Variants in TYW1 observed in about 807,000 individuals in gnomAD.
TYW1 encodes the protein S-adenosyl-L-methionine-dependent tRNA 4-demethylwyosine synthase TYW1.
TYW1 carries 46 observed loss-of-function variants against 96.2 expected under a neutral mutation model. That is an observed-to-expected ratio of 0.48 (90% CI 0.38 to 0.61). TYW1 has a LOEUF of 0.61. TYW1 is among the 20% of genes least tolerant of loss of function. TYW1 has a pLI of 0.00. For missense variants in TYW1, 684 were observed against 909.6 expected (o/e 0.75, Z 3.19); for synonymous variants, 274 against 323.0 (o/e 0.85, Z 1.63).
intron 3 of TYW1, among the ~76,000 whole-genome samples, chr7:67,001,235 A>G (rs565530942): frequency 6.6e-6 from 1 of 152,106 alleles, no homozygotes; most frequent in Non-Finnish European, 1.5e-5. Context: ...GTGTTTCGAG[A>G]TTTATCAACA....
chr7:67,171,359 T>G (rs1413830824), intron 13 of TYW1, among the ~76,000 whole-genome samples: 1 of 152,150 alleles, frequency 6.6e-6, no homozygotes, highest in Non-Finnish European at 1.5e-5. Flanking sequence ...TCCCGAGTTG[T>G]TTTTCTGTTC....
intron 13 of TYW1, among the ~76,000 whole-genome samples, chr7:67,157,989 T>G (rs1175214428): frequency 6.6e-6 from 1 of 152,186 alleles, no homozygotes; most frequent in Non-Finnish European, 1.5e-5. Flanking sequence ...AGTATGCACT[T>G]TCTTACTATT....
intron 15 of TYW1, among the ~76,000 whole-genome samples, chr7:67,197,972 G>T (rs10264145): frequency 1.7e-5 from 1 of 59,672 alleles, no homozygotes; most frequent in Non-Finnish European, 3.3e-5. Flanking sequence ...CCCCGCCCCC[G>T]CAGCATACAC....
At chr7:67,211,038 G>T (rs1800999662) in intron 15 of TYW1, among the ~76,000 whole-genome samples, 1 of 150,930 alleles carries the variant, frequency 6.6e-6, no homozygotes, top group South Asian at 2.1e-4. Context: ...TTTTACCTAG[G>T]GTTATAATCC....
chr7:67,004,610 T>A (rs1793508486), intron 3 of TYW1, among the ~76,000 whole-genome samples: 1 of 152,220 alleles, frequency 6.6e-6, no homozygotes, highest in Non-Finnish European at 1.5e-5. Flanking sequence ...AATTTTTCCT[T>A]TACATAGTTA....
intron 13 of TYW1, among the ~76,000 whole-genome samples, chr7:67,126,978 G>A (rs1797930339): frequency 6.6e-6 from 1 of 151,742 alleles, no homozygotes; most frequent in Admixed American, 6.6e-5. Context: ...GTGGTTTTGA[G>A]TATGTTAAAT....
chr7:67,190,557 T>C (rs1179154295), intron 14 of TYW1, among the ~76,000 whole-genome samples: 1 of 152,210 alleles, frequency 6.6e-6, no homozygotes, highest in Non-Finnish European at 1.5e-5. Flanking sequence ...TGGGTCACTT[T>C]AGCCAGGTGC....
At position 66,996,910 on chromosome 7, in the gene TYW1, C is replaced by T. The variant is rs1166915194; in HGVS notation, c.-69C>T. 6.2e-7 allele frequency: 1 copy of T among 1,611,248 alleles called. No individual in the cohort carries two copies. The highest frequency in any genetic ancestry group is 8.5e-7 in the Non-Finnish European group (1 of 1,178,870). On this transcript the variant is annotated 5_prime_UTR_variant, in exon 1 of 16. Transcript: ENST00000359626. ...CGCGGCGAGGTAGCTCGGTGCGTCTCGCGGTACCAGTGCGAATCATCGGGC... is the reference window on the plus strand; with the variant it reads ...CGCGGCGAGGTAGCTCGGTGCGTCTTGCGGTACCAGTGCGAATCATCGGGC...
intron 15 of TYW1, among the ~76,000 whole-genome samples, chr7:67,210,144 C>T (rs4535609): frequency 0.27 from 40,784 of 152,062 alleles, 5,837 homozygotes; most frequent in African/African-American, 0.36. Context: ...TCTTTAGGCT[C>T]CTCTTGGCGT....
At chr7:67,198,790 C>G (rs1038825795) in intron 15 of TYW1, among the ~76,000 whole-genome samples, 31 of 152,190 alleles carry the variant, frequency 2.0e-4, no homozygotes, top group South Asian at 4.1e-4. Context: ...ATATTTTCTT[C>G]TTAAGTCTCT....
In TYW1 at chr7:67,083,303, T is replaced by C. The variant is rs1008262259; in HGVS notation, c.1275-127T>C. ...ATAAGTTGGAAAATACCACTATACA[T>C]GGTTGAACTCTTAGGAGGAAACCAG... is the stretch of plus-strand genomic sequence containing the variant. On this transcript the variant is annotated intron_variant, in intron 10 of 15. Transcript: ENST00000359626. 20 of 828,894 alleles carry C rather than the reference T, an allele frequency of 2.4e-5. No homozygotes were observed. In the Admixed American group the frequency reaches 3.3e-4, roughly 13 times the overall value. The allele number at this position is 828,894 out of a possible 1,614,324, so 51.3% of individuals were successfully genotyped here.
At chr7:67,152,026 G>T (rs1297960865) in intron 13 of TYW1, among the ~76,000 whole-genome samples, 1 of 151,914 alleles carries the variant, frequency 6.6e-6, no homozygotes, top group African/African-American at 2.4e-5. Context: ...TGTGCAGGTA[G>T]GTCTCAAACT....
chr7:67,107,918 C>T (rs1356384776), intron 12 of TYW1, among the ~76,000 whole-genome samples: 1 of 148,536 alleles, frequency 6.7e-6, no homozygotes, highest in Non-Finnish European at 1.5e-5. Context: ...ATTCTGTCTC[C>T]TATGCTGGAG....
chr7:67,091,961 G>A (rs1226983327), intron 11 of TYW1, among the ~76,000 whole-genome samples: 1 of 152,160 alleles, frequency 6.6e-6, no homozygotes, highest in African/African-American at 2.4e-5. Flanking sequence ...GTTTCCTCCT[G>A]TCCTCGTGGC....
intron 3 of TYW1, 38 bp from the exon 4 acceptor site, chr7:67,009,545 T>C (rs762121865): frequency 1.9e-6 from 3 of 1,592,820 alleles, no homozygotes; most frequent in African/African-American, 2.7e-5. Flanking sequence ...ATTTGGCTCA[T>C]TGAAGACTTT....
chr7:67,024,760 G>A (rs1042462508), intron 6 of TYW1, 140 bp from the exon 7 acceptor site: 105 of 1,344,036 alleles, frequency 7.8e-5, no homozygotes, highest in Non-Finnish European at 9.5e-5. Context: ...CAGCCTGGGC[G>A]ACAGAGCGAG....
At chr7:67,035,763 T>C (rs58895217) in intron 7 of TYW1, among the ~76,000 whole-genome samples, 68,958 of 151,606 alleles carry the variant, frequency 0.45, 16,346 homozygotes, top group East Asian at 0.6. Flanking sequence ...CTGCAACCTC[T>C]ACCTTCCAGG....
chr7:67,097,264 C>A (rs184920115), intron 11 of TYW1, among the ~76,000 whole-genome samples: 122 of 152,268 alleles, frequency 8.0e-4, no homozygotes, highest in African/African-American at 2.8e-3. Flanking sequence ...ACAGGTTGGG[C>A]CCCTCTGGTT....
At chr7:67,223,539 A>G (rs1801463683) in intron 15 of TYW1, among the ~76,000 whole-genome samples, 1 of 151,448 alleles carries the variant, frequency 6.6e-6, no homozygotes, top group Non-Finnish European at 1.5e-5. Flanking sequence ...GGAAAGAGAA[A>G]AGTGAAAGAG....
Sources: allele counts gnomAD v4.1 joint callset (sites outside exome capture counted in the v4.1 genomes callset), GRCh38; gene constraint gnomAD v4.1.1; transcripts MANE v1.5; gene names NCBI Gene and HGNC (gene_info 2026-07-23, HGNC 2026-07-21).